Variants in CSMD1 observed in about 807,000 individuals in gnomAD.
CSMD1 encodes CUB and sushi domain-containing protein 1.
A neutral mutation model predicts 417.5 loss-of-function variants in CSMD1; 213 were observed. That is an observed-to-expected ratio of 0.51 (90% CI 0.46 to 0.57). The LOEUF is 0.57. Ranked by LOEUF, CSMD1 falls within the 20% of genes least tolerant of loss-of-function variation. The probability of loss-of-function intolerance (pLI) is 0.00; values close to 1 mark genes in which losing one functional copy is unlikely to be tolerated. For missense variants in CSMD1, 6,923 were observed against 4,529.7 expected (o/e 1.53, Z -15.17); for synonymous variants, 2,862 against 1,736.8 (o/e 1.65, Z -16.11).
At chr8:4,499,850 G>T (rs1299726205) in intron 2 of CSMD1, among the ~76,000 whole-genome samples, 2 of 152,278 alleles carry the variant, frequency 1.3e-5, no homozygotes, top group East Asian at 3.9e-4. Flanking sequence ...TGTTAAGCAG[G>T]TAAATGGAAA....
intron 10 of CSMD1, among the ~76,000 whole-genome samples, chr8:3,554,301 C>G (rs978578149): frequency 2.6e-5 from 4 of 152,176 alleles, no homozygotes; most frequent in Admixed American, 6.6e-5. Context: ...TGGGTCCAGA[C>G]CAGTTCAACA....
intron 3 of CSMD1, among the ~76,000 whole-genome samples, chr8:4,396,114 TTTA>T (rs375958466): frequency 0.041 from 6,168 of 152,220 alleles, 441 homozygotes; most frequent in African/African-American, 0.14. Flanking sequence ...ATTTTTAAGT[TTTA>T]CTACTGTAAT....
At chr8:4,548,807 C>T (rs1006313550) in intron 2 of CSMD1, among the ~76,000 whole-genome samples, 1 of 152,110 alleles carries the variant, frequency 6.6e-6, no homozygotes, top group Admixed American at 6.5e-5. Context: ...ATGCAACAAC[C>T]TGATATATGG....
intron 3 of CSMD1, among the ~76,000 whole-genome samples, chr8:4,132,359 T>C (rs1358448208): frequency 6.6e-6 from 1 of 152,210 alleles, no homozygotes; most frequent in Non-Finnish European, 1.5e-5. Flanking sequence ...GTATTTCTTG[T>C]AGAATACATC....
At chr8:3,020,173 C>A (rs925102850) in intron 51 of CSMD1, among the ~76,000 whole-genome samples, 3 of 152,244 alleles carry the variant, frequency 2.0e-5, no homozygotes, top group African/African-American at 7.2e-5. Flanking sequence ...TTGATAATAG[C>A]TCCTACTGCA....
At chr8:4,899,841 G>C (rs1325888048) in intron 1 of CSMD1, among the ~76,000 whole-genome samples, 2 of 152,172 alleles carry the variant, frequency 1.3e-5, no homozygotes, top group South Asian at 2.1e-4. Context: ...AGCAGGTCTT[G>C]CAGATAGCTT....
chr8:4,267,255 C>G lies in CSMD1; in HGVS notation c.415+152698G>C, dbSNP rs1186603872. On this transcript the variant is annotated intron_variant, in intron 3 of 69. Transcript: ENST00000635120. ...AAAAGTGAGTTCAATGAAGTTGCTACTTAGAAAATATATCATGTTTTAATA... is the reference window on the plus strand; with the variant it reads ...AAAAGTGAGTTCAATGAAGTTGCTAGTTAGAAAATATATCATGTTTTAATA... 5.8e-5 allele frequency among the ~76,000 whole-genome samples: 6 copies of G among 103,162 alleles called. 2 individuals are homozygous for G. Among genetic ancestry groups the G allele is most frequent in the African/African-American group, 1.6e-4 (6 of 38,166 alleles). 67.7% of individuals were successfully genotyped at this position (103,162 alleles called of 152,430 possible).
intron 40 of CSMD1, among the ~76,000 whole-genome samples, chr8:3,147,443 C>T (rs952481678): frequency 2.0e-5 from 3 of 152,152 alleles, no homozygotes; most frequent in African/African-American, 4.8e-5. Context: ...ATTGGAGAAA[C>T]GCTTCCTGAA....
At chr8:3,489,757 G>T (rs1288700696) in intron 11 of CSMD1, among the ~76,000 whole-genome samples, 1 of 152,128 alleles carries the variant, frequency 6.6e-6, no homozygotes, top group Non-Finnish European at 1.5e-5. Flanking sequence ...CGTATTTAGG[G>T]TGAGCTATAT....
intron 3 of CSMD1, among the ~76,000 whole-genome samples, chr8:4,122,635 C>G (rs1009565223): frequency 6.6e-6 from 1 of 152,140 alleles, no homozygotes; most frequent in Non-Finnish European, 1.5e-5. Flanking sequence ...AGCCTCCAAT[C>G]GCCAAACCAA....
chr8:3,971,449 T>A (rs1190937577), intron 5 of CSMD1, among the ~76,000 whole-genome samples: 1 of 152,226 alleles, frequency 6.6e-6, no homozygotes. Flanking sequence ...GCTTTGGGAT[T>A]CGACTAATGC....
intron 1 of CSMD1, among the ~76,000 whole-genome samples, chr8:4,781,674 C>T (rs1797158926): frequency 6.6e-6 from 1 of 152,138 alleles, no homozygotes; most frequent in African/African-American, 2.4e-5. Flanking sequence ...AAAATGGTAT[C>T]GGTCATGAAG....
At chr8:4,086,012 A>G (rs1420909326) in intron 3 of CSMD1, among the ~76,000 whole-genome samples, 1 of 152,220 alleles carries the variant, frequency 6.6e-6, no homozygotes, top group Non-Finnish European at 1.5e-5. Flanking sequence ...AGCAAGGACT[A>G]ACAAAGGTGT....
chr8:3,006,518 A>C (rs1563229824), intron 52 of CSMD1, among the ~76,000 whole-genome samples: 1 of 152,184 alleles, frequency 6.6e-6, no homozygotes, highest in African/African-American at 2.4e-5. Flanking sequence ...CCTGACTTCA[A>C]ACTATACTAC....
chr8:3,467,235 C>T (rs973384900), intron 12 of CSMD1, among the ~76,000 whole-genome samples: 1 of 152,158 alleles, frequency 6.6e-6, no homozygotes, highest in Non-Finnish European at 1.5e-5. Flanking sequence ...GCACGAGGTT[C>T]CTCTCCTATT....
intron 2 of CSMD1, among the ~76,000 whole-genome samples, chr8:4,453,810 GTTTCTTTT>G (rs1383034753): frequency 1.1e-5 from 1 of 93,020 alleles, no homozygotes. Flanking sequence ...TGCGCAATTC[GTTTCTTTT>G]TTTTTTTTTT....
In CSMD1 at chr8:3,282,131, C is replaced by G. The variant is rs573399834; in HGVS notation, c.4153+2013G>C. The stretch of plus-strand genomic sequence containing the variant: ...ATAAATTACCCAGTCTCAGATAGTT[C>G]TTTACAGCAATATGAAGATGGAATA... On this transcript the variant is annotated intron_variant, in intron 26 of 69. Coordinates refer to ENST00000635120, the MANE Select transcript of CSMD1 (RefSeq NM_033225.6). Among the ~76,000 whole-genome samples, 5 of 152,254 alleles carry G rather than the reference C, an allele frequency of 3.3e-5. No individual in the cohort carries two copies. The East Asian group carries it at 9.7e-4, about 29-fold the overall frequency.
At chr8:3,366,777 A>G (rs570500737) in intron 20 of CSMD1, among the ~76,000 whole-genome samples, 1 of 152,326 alleles carries the variant, frequency 6.6e-6, no homozygotes, top group East Asian at 1.9e-4. Context: ...AGTGACATCT[A>G]CAGATTTTTC....
At chr8:3,167,667 T>A (rs1585536181) in intron 37 of CSMD1, among the ~76,000 whole-genome samples, 1 of 152,172 alleles carries the variant, frequency 6.6e-6, no homozygotes, top group Non-Finnish European at 1.5e-5. Flanking sequence ...ACCCCATGAA[T>A]CCAGCCTATG....
Sources: allele counts gnomAD v4.1 joint callset (sites outside exome capture counted in the v4.1 genomes callset), GRCh38; gene constraint gnomAD v4.1.1; transcripts MANE v1.5; gene names NCBI Gene and HGNC (gene_info 2026-07-23, HGNC 2026-07-21).